GPC6: variants seen among roughly 807,000 people sequenced by gnomAD.
GPC6 encodes the protein glypican 6.
In GPC6, 14 loss-of-function variants were observed where a neutral mutation model predicts 55.2. The ratio of observed to expected loss-of-function variants is 0.25; its 90% CI spans 0.17 to 0.40. The LOEUF is 0.40. Ranked by LOEUF, GPC6 falls within the 10% of genes least tolerant of loss-of-function variation. The pLI is 1.00. For synonymous variants in GPC6, 278 were observed against 259.6 expected (o/e 1.07, Z -0.68); for missense variants, 641 against 708.5 (o/e 0.90, Z 1.08).
At chr13:93,764,389 G>A (rs931114568) in intron 2 of GPC6, among the ~76,000 whole-genome samples, 1 of 151,920 alleles carries the variant, frequency 6.6e-6, no homozygotes. Context: ...TATGTGGATT[G>A]GTTTTTCAAA....
chr13:94,143,104 C>T lies in GPC6; in HGVS notation c.877+115210C>T, dbSNP rs777034791. ...CCTCCCAAAGTGCTGGGATTACAGA[C>T]GTGAGCCACCATGCCCAGCCAGATG... is the stretch of plus-strand genomic sequence containing the variant. On this transcript the variant is annotated intron_variant, in intron 4 of 8. Transcript: ENST00000377047. Among the ~76,000 whole-genome samples the T allele has an allele frequency of 6.6e-5, 10 of 150,834 alleles. No homozygotes were observed. In the South Asian group the frequency reaches 1.5e-3, roughly 22 times the overall value.
intron 3 of GPC6, among the ~76,000 whole-genome samples, chr13:94,000,605 G>A (rs1332763473): frequency 2.0e-5 from 3 of 152,150 alleles, no homozygotes; most frequent in Non-Finnish European, 4.4e-5. Context: ...AGAGATGACA[G>A]AAAGACTAAA....
chr13:94,265,939 C>T (rs1891788417), intron 4 of GPC6, among the ~76,000 whole-genome samples: 2 of 152,106 alleles, frequency 1.3e-5, no homozygotes, highest in Admixed American at 1.3e-4. Context: ...AGTTTCTAGG[C>T]AATAGTCACT....
At chr13:94,161,642 A>T (rs1053306552) in intron 4 of GPC6, among the ~76,000 whole-genome samples, 8 of 152,158 alleles carry the variant, frequency 5.3e-5, no homozygotes, top group Admixed American at 5.2e-4. Context: ...AAGACATGTA[A>T]AGAGTATGGC....
At chr13:94,093,318 C>T (rs1019216249) in intron 4 of GPC6, among the ~76,000 whole-genome samples, 1 of 152,044 alleles carries the variant, frequency 6.6e-6, no homozygotes, top group African/African-American at 2.4e-5. Flanking sequence ...GTCCAAACTG[C>T]ATATGGATAT....
intron 2 of GPC6, among the ~76,000 whole-genome samples, chr13:93,772,439 A>G (rs145297491): frequency 2.6e-4 from 40 of 152,090 alleles, no homozygotes; most frequent in African/African-American, 8.4e-4. Context: ...CATGCATTAC[A>G]TGGAGTTTTC....
At chr13:93,510,289 C>T (rs908868469) in intron 1 of GPC6, among the ~76,000 whole-genome samples, 3 of 152,030 alleles carry the variant, frequency 2.0e-5, no homozygotes, top group Non-Finnish European at 2.9e-5. Flanking sequence ...TTGTATCCTT[C>T]GACCCACTTC....
intron 1 of GPC6, among the ~76,000 whole-genome samples, chr13:93,331,585 G>A (rs982567615): frequency 2.0e-5 from 3 of 151,808 alleles, no homozygotes; most frequent in Non-Finnish European, 4.4e-5. Context: ...TTTCTAATAT[G>A]GAAGATATTT....
chr13:94,131,534 C>G (rs1593966387), intron 4 of GPC6, among the ~76,000 whole-genome samples: 2 of 152,054 alleles, frequency 1.3e-5, no homozygotes, highest in African/African-American at 4.8e-5. Flanking sequence ...AAATGATGGT[C>G]TTGAGAATTG....
chr13:93,779,872 G>A (rs914610870), intron 2 of GPC6, among the ~76,000 whole-genome samples: 1 of 152,104 alleles, frequency 6.6e-6, no homozygotes, highest in Non-Finnish European at 1.5e-5. Context: ...GACCATTCTG[G>A]ATATTCCCTC....
intron 4 of GPC6, among the ~76,000 whole-genome samples, chr13:94,181,364 C>T (rs1337568534): frequency 6.6e-6 from 1 of 152,110 alleles, no homozygotes; most frequent in Non-Finnish European, 1.5e-5. Context: ...ATTTCTCAGA[C>T]CGGCTGACAC....
chr13:93,229,692 A>C (rs2138999215), intron 1 of GPC6, among the ~76,000 whole-genome samples: 1 of 151,048 alleles, frequency 6.6e-6, no homozygotes, highest in African/African-American at 2.4e-5. Flanking sequence ...CTTATTAGCT[A>C]TGAATTTCTA....
chr13:93,969,885 G>A (rs773192319), intron 3 of GPC6, among the ~76,000 whole-genome samples: 5 of 152,046 alleles, frequency 3.3e-5, no homozygotes, highest in Admixed American at 6.6e-5. Flanking sequence ...CATCCACGTT[G>A]CGCAAATGAC....
At chr13:93,590,792 T>C (rs1377686727) in intron 2 of GPC6, among the ~76,000 whole-genome samples, 1 of 152,144 alleles carries the variant, frequency 6.6e-6, no homozygotes, top group African/African-American at 2.4e-5. Context: ...TTTAACAAAC[T>C]TGTGGTTACA....
chr13:93,453,639 G>A (rs61964186), intron 1 of GPC6, among the ~76,000 whole-genome samples: 33,178 of 150,506 alleles, frequency 0.22, 4,232 homozygotes, highest in Middle Eastern at 0.32. Flanking sequence ...TCGTGGGTTC[G>A]CGGTCTCACT....
intron 1 of GPC6, among the ~76,000 whole-genome samples, chr13:93,372,657 C>A (rs1281267852): frequency 6.6e-6 from 1 of 152,148 alleles, no homozygotes; most frequent in Non-Finnish European, 1.5e-5. Flanking sequence ...CATTTTGCCT[C>A]CCCCGTTCAC....
chr13:93,578,493 T>C (rs188664868), intron 2 of GPC6, among the ~76,000 whole-genome samples: 5 of 152,178 alleles, frequency 3.3e-5, no homozygotes, highest in African/African-American at 9.6e-5. Context: ...ATATTGTTCA[T>C]AGTAGTCTCT....
chr13:94,355,719 C>A (rs143051903), intron 6 of GPC6, among the ~76,000 whole-genome samples: 1 of 152,160 alleles, frequency 6.6e-6, no homozygotes, highest in African/African-American at 2.4e-5. Flanking sequence ...CCAGTCCCCC[C>A]CTCCACTTTA....
intron 2 of GPC6, among the ~76,000 whole-genome samples, chr13:93,701,690 A>G (rs1882675948): frequency 6.6e-6 from 1 of 152,034 alleles, no homozygotes; most frequent in Non-Finnish European, 1.5e-5. Flanking sequence ...AGTTCATGTA[A>G]TATTCCAAAT....
Sources: gnomAD v4.1 joint callset for allele counts (sites outside exome capture counted in the v4.1 genomes callset) on GRCh38, gnomAD v4.1.1 for gene constraint, MANE v1.5 for transcripts, NCBI Gene and HGNC (gene_info 2026-07-23, HGNC 2026-07-21) for gene names.